The following KCNH5 variants were observed in gnomAD, a reference collection of about 807,000 sequenced individuals.
The protein encoded by KCNH5 is potassium voltage-gated channel subfamily H member 5.
In KCNH5, 46 loss-of-function variants were observed where a neutral mutation model predicts 96.1. That is an observed-to-expected ratio of 0.48 (90% confidence interval 0.38 to 0.61). KCNH5 has a LOEUF of 0.61. Ranked by LOEUF, KCNH5 falls within the 20% of genes least tolerant of loss-of-function variation. KCNH5 has a pLI of 0.00. For synonymous variants in KCNH5, 439 were observed against 449.8 expected (o/e 0.98, Z 0.30); for missense variants, 907 against 1,225.8 (o/e 0.74, Z 3.88).
intron 7 of KCNH5, among the ~76,000 whole-genome samples, chr14:62,885,207 T>A (rs1447490354): frequency 6.6e-6 from 1 of 152,204 alleles, no homozygotes; most frequent in Non-Finnish European, 1.5e-5. Flanking sequence ...AACCAAAACC[T>A]ACTAATGTTA....
intron 6 of KCNH5, among the ~76,000 whole-genome samples, chr14:62,964,325 A>G (rs974728491): frequency 1.3e-5 from 2 of 152,134 alleles, no homozygotes; most frequent in Non-Finnish European, 2.9e-5. Context: ...CTTTGCAACT[A>G]AAAAGAAATC....
chr14:62,726,950 G>T (rs983876886), intron 10 of KCNH5, among the ~76,000 whole-genome samples: 4 of 152,158 alleles, frequency 2.6e-5, no homozygotes, highest in African/African-American at 9.7e-5. Context: ...AGACAACAGT[G>T]AATAATGGCT....
chr14:62,802,676 T>TAA lies in KCNH5; in HGVS notation c.1570-96_1570-95insTT, dbSNP rs1886688494. 1.4e-5 allele frequency: 20 copies of TAA among 1,410,258 alleles called. No individual in the cohort carries two copies. The South Asian group carries it at 1.8e-4, about 12-fold the overall frequency. 87.4% of individuals were successfully genotyped at this position (1,410,258 alleles called of 1,614,324 possible). A position where few individuals can be genotyped will look rare whatever the true frequency, so the allele number is the denominator to read the frequency against. ...AACAAATATTTATTGACTATGACTATGTCTGCTACACTGCTACACACCTTG... is the reference window on the plus strand; with the variant it reads ...AACAAATATTTATTGACTATGACTATAAGTCTGCTACACTGCTACACACCTTG... On this transcript the variant is annotated intron_variant, in intron 8 of 10. Coordinates refer to ENST00000322893, the MANE Select transcript of KCNH5 (RefSeq NM_139318.5).
At chr14:62,827,241 T>C (rs1169259329) in intron 8 of KCNH5, among the ~76,000 whole-genome samples, 1 of 152,212 alleles carries the variant, frequency 6.6e-6, no homozygotes, top group Non-Finnish European at 1.5e-5. Context: ...CTAGCAATGT[T>C]TCCCCAATAA....
intron 10 of KCNH5, among the ~76,000 whole-genome samples, chr14:62,772,636 GAAAAAAAAAAA>G (rs3045398): frequency 2.6e-4 from 22 of 84,694 alleles, no homozygotes; most frequent in Non-Finnish European, 4.1e-4. Context: ...GACTTTGTCT[GAAAAAAAAAAA>G]AAAAAAAAAA....
chr14:62,916,154 G>C (rs1044315287), intron 7 of KCNH5, among the ~76,000 whole-genome samples: 8 of 151,734 alleles, frequency 5.3e-5, no homozygotes, highest in Non-Finnish European at 1.2e-4. Context: ...GGGTTTTACC[G>C]TGTTAGCCAG....
chr14:62,856,051 T>C (rs1343105315), intron 7 of KCNH5, among the ~76,000 whole-genome samples: 1 of 152,242 alleles, frequency 6.6e-6, no homozygotes, highest in Admixed American at 6.5e-5. Flanking sequence ...TTTTATAGTT[T>C]ATAAAAATTC....
chr14:62,768,754 C>T (rs996775647), intron 10 of KCNH5, among the ~76,000 whole-genome samples: 1 of 152,044 alleles, frequency 6.6e-6, no homozygotes, highest in African/African-American at 2.4e-5. Flanking sequence ...GAAGAGCTGG[C>T]AAAGAACAGA....
intron 10 of KCNH5, among the ~76,000 whole-genome samples, chr14:62,739,444 AT>A (rs11339640): frequency 0.062 from 9,372 of 151,906 alleles, 799 homozygotes; most frequent in African/African-American, 0.19. Context: ...TATGCGAGAA[AT>A]TTTTTTTTCT....
intron 1 of KCNH5, among the ~76,000 whole-genome samples, chr14:63,029,558 G>A (rs1006290097): frequency 6.6e-6 from 1 of 151,794 alleles, no homozygotes; most frequent in Non-Finnish European, 1.5e-5. Flanking sequence ...TGTAAGAGAA[G>A]AACCTAGAAA....
chr14:62,963,482 A>G lies in KCNH5; in HGVS notation c.943-12923T>C, dbSNP rs1307253880. On this transcript the variant is annotated intron_variant, in intron 6 of 10. Coordinates refer to ENST00000322893, the MANE Select transcript of KCNH5 (RefSeq NM_139318.5). Reference sequence around the variant, plus strand: ...GCCATCTGCAACCAGGAGACCCAAGAAAGCCGATATTGCAATTCAAGTCCA... The same window carrying G: ...GCCATCTGCAACCAGGAGACCCAAGGAAGCCGATATTGCAATTCAAGTCCA... Among the ~76,000 whole-genome samples, 3 of 152,148 alleles carry G rather than the reference A, an allele frequency of 2.0e-5. No individual in the cohort carries two copies. In the East Asian group the frequency reaches 5.8e-4, roughly 29 times the overall value.
Position 62,911,611 on chromosome 14 carries a change from G to C in KCNH5, c.1369+38522C>G, listed in dbSNP as rs147155514. 2.0e-3 allele frequency among the ~76,000 whole-genome samples: 299 copies of C among 151,732 alleles called. 6 individuals are homozygous for C. The highest frequency in any genetic ancestry group is 6.8e-3 in the African/African-American group (282 of 41,438). On this transcript the variant is annotated intron_variant, in intron 7 of 10. Coordinates refer to ENST00000322893, the MANE Select transcript of KCNH5 (RefSeq NM_139318.5). ...ACATTGATTCAGAAATAGACAACTTGATCAATAAAACAGAATACAAATTAG... is the reference window on the plus strand; with the variant it reads ...ACATTGATTCAGAAATAGACAACTTCATCAATAAAACAGAATACAAATTAG...
intron 7 of KCNH5, among the ~76,000 whole-genome samples, chr14:62,944,779 G>A (rs752150301): frequency 1.3e-5 from 2 of 152,044 alleles, no homozygotes; most frequent in Non-Finnish European, 2.9e-5. Flanking sequence ...AATTACCAAG[G>A]ACCCAAGGAC....
chr14:62,852,851 G>C (rs1887835003), intron 7 of KCNH5, among the ~76,000 whole-genome samples: 1 of 152,060 alleles, frequency 6.6e-6, no homozygotes, highest in African/African-American at 2.4e-5. Flanking sequence ...TAATGAGAGA[G>C]GCCTTGGAGC....
intron 7 of KCNH5, among the ~76,000 whole-genome samples, chr14:62,892,895 T>C (rs1192055011): frequency 1.3e-5 from 2 of 152,170 alleles, no homozygotes; most frequent in Non-Finnish European, 2.9e-5. Context: ...TGCTTCTCTC[T>C]GACAATGCAC....
chr14:62,971,899 C>T (rs1890415416), intron 6 of KCNH5, among the ~76,000 whole-genome samples: 1 of 151,808 alleles, frequency 6.6e-6, no homozygotes, highest in African/African-American at 2.4e-5. Flanking sequence ...AACTATAAAA[C>T]TTATGGAAGA....
chr14:62,972,584 T>C (rs1460484167), intron 6 of KCNH5, among the ~76,000 whole-genome samples: 1 of 152,168 alleles, frequency 6.6e-6, no homozygotes, highest in Admixed American at 6.5e-5. Context: ...TTCATAATTT[T>C]GCAAAACTTG....
intron 1 of KCNH5, among the ~76,000 whole-genome samples, chr14:63,024,309 T>C (rs1891486597): frequency 6.6e-6 from 1 of 151,440 alleles, no homozygotes; most frequent in South Asian, 2.1e-4. Context: ...GGGAAGTTTA[T>C]AGCAACAAGT....
At chr14:62,952,801 C>T (rs980198457) in intron 6 of KCNH5, among the ~76,000 whole-genome samples, 3 of 152,036 alleles carry the variant, frequency 2.0e-5, no homozygotes, top group Non-Finnish European at 2.9e-5. Context: ...GGTGGGAAGA[C>T]ACACATCCCT....
Sources: gnomAD v4.1 joint callset for allele counts (sites outside exome capture counted in the v4.1 genomes callset) on GRCh38, gnomAD v4.1.1 for gene constraint, MANE v1.5 for transcripts, NCBI Gene and HGNC (gene_info 2026-07-23, HGNC 2026-07-21) for gene names.